Variants in USP11 observed in about 807,000 individuals in gnomAD.
USP11 encodes ubiquitin specific peptidase 11.
USP11 carries 5 observed loss-of-function variants against 72.8 expected under a neutral mutation model. That is an observed-to-expected ratio of 0.07 (90% CI 0.04 to 0.14). The LOEUF is 0.14. Among genes scored for constraint, USP11 ranks in the 10% least tolerant of loss-of-function variants. USP11 has a pLI of 1.00. For missense variants in USP11, 480 were observed against 794.7 expected (o/e 0.60, Z 4.76); for synonymous variants, 368 against 326.5 (o/e 1.13, Z -1.37).
At chrX:47,239,298 C>T (rs2055390257) in intron 2 of USP11, 53 bp from the exon 3 acceptor site, 9 of 1,192,777 alleles carry the variant, frequency 7.5e-6, no homozygotes, top group South Asian at 7.4e-5. Flanking sequence ...CAGAGTCATT[C>T]GTCAGTTTCC....
chrX:47,247,711 A>G lies in USP11; in HGVS notation c.2625+12A>G, dbSNP rs1418200620. On this transcript the variant is annotated intron_variant, in intron 20 of 20. Transcript: ENST00000377107. Reference sequence around the variant, plus strand: ...AGAATCAGATCGAGGTGTGACTTCCATCCTACCTCCTCCCCTTCTTCCTTT... The same window carrying G: ...AGAATCAGATCGAGGTGTGACTTCCGTCCTACCTCCTCCCCTTCTTCCTTT... 8.3e-7 allele frequency: 1 copy of G among 1,206,696 alleles called. No individual in the cohort carries two copies. The highest frequency in any genetic ancestry group is 2.2e-5 in the Admixed American group (1 of 45,521).
At chrX:47,237,538 G>A (rs1316569501) in intron 1 of USP11, among the ~76,000 whole-genome samples, 3 of 110,516 alleles carry the variant, frequency 2.7e-5, no homozygotes, top group Non-Finnish European at 3.8e-5. Context: ...GCTTGAACCC[G>A]GCAGGCAAAG....
At chrX:47,236,434 C>G (rs951066069) in intron 1 of USP11, among the ~76,000 whole-genome samples, 1 of 112,398 alleles carries the variant, frequency 8.9e-6, no homozygotes, top group African/African-American at 3.2e-5. Flanking sequence ...AATATTTGCA[C>G]CTTCTGTCTT....
rs1413145751 is a variant in USP11 at position 47,233,087 on chromosome X, T to C, written c.44T>C (p.Val15Ala). ...AATCCAGCTGCTGCTGCGGCGGCTG[T>C]GGCGGCGGCAGCGGCGGTGACTGAG... ...AANPAAAAAA[V>A]AAAAAVTEDR... Residue 15 changes from valine (V) to alanine (A), a missense_variant, in exon 1 of 21, where the codon GTG becomes GCG. Val to Ala is a moderately conservative substitution (Grantham distance 64). Around this residue, in one of 5 missense-constraint regions of USP11, gnomAD observed 71 missense variants for 71.4 expected, o/e 0.99. Coordinates refer to ENST00000377107, the MANE Select transcript of USP11 (RefSeq NM_001371072.1). The C allele has an allele frequency of 3.3e-6, 4 of 1,201,964 alleles. No homozygotes were observed. In the Admixed American group the frequency reaches 6.7e-5, roughly 20 times the overall value.
rs1306664968 is a variant in USP11, at chrX:47,245,434, G to A, written c.2222G>A (p.Cys741Tyr). 8.3e-7 allele frequency: 1 copy of A among 1,209,927 alleles called. No individual in the cohort carries two copies. Among genetic ancestry groups the A allele is most frequent in the Non-Finnish European group, 1.1e-6 (1 of 894,946 alleles). ...MKKAPVRLQE[C>Y]IELFTTVETL... ...AAGGCTCCCGTGCGGCTGCAGGAGT[G>A]CATTGAGCTCTTCACCACTGTGGAG... The change falls in exon 17 of 21, where the codon TGC (cysteine) becomes TAC (tyrosine). Residue 741 changes from cysteine to tyrosine, a missense_variant. Around this residue, in one of 5 missense-constraint regions of USP11, gnomAD observed 314 missense variants for 556.0 expected, o/e 0.56. Coordinates refer to ENST00000377107, the MANE Select transcript of USP11 (RefSeq NM_001371072.1).
At position 47,245,393 on chromosome X, in the gene USP11, C is replaced by T. The variant is rs181176233; in HGVS notation, c.2181C>T (p.Val727=). 384 of 1,209,509 alleles carry T rather than the reference C, an allele frequency of 3.2e-4. No homozygotes were observed. Among genetic ancestry groups the T allele is most frequent in the Non-Finnish European group, 3.9e-4 (349 of 894,718 alleles). The change falls in exon 17 of 21, where the codon GTC becomes GTT. Residue 727 remains valine, a synonymous_variant. Transcript: ENST00000377107. ...EAEGYVKHDC[V]GYVMKKAPVR... Reference sequence around the variant, plus strand: ...AGGGCTACGTGAAGCATGACTGCGTCGGGTACGTGATGAAGAAGGCTCCCG... The same window carrying T: ...AGGGCTACGTGAAGCATGACTGCGTTGGGTACGTGATGAAGAAGGCTCCCG...
At chrX:47,236,950 G>T (rs181234008) in intron 1 of USP11, among the ~76,000 whole-genome samples, 1 of 111,701 alleles carries the variant, frequency 9.0e-6, no homozygotes, top group Non-Finnish European at 1.9e-5. Flanking sequence ...TGTTAACAAT[G>T]ATTTTTTTAA....
intron 18 of USP11, 35 bp downstream of exon 18, chrX:47,247,256 C>A (rs755027562): frequency 4.1e-6 from 5 of 1,211,039 alleles, no homozygotes; most frequent in Non-Finnish European, 5.6e-6. Flanking sequence ...TGGGGGAAGG[C>A]AGGGAAAGGA....
At chrX:47,242,334 T>A (rs763761263) in intron 10 of USP11, 28 bp downstream of exon 10, 16 of 1,205,828 alleles carry the variant, frequency 1.3e-5, no homozygotes, top group Non-Finnish European at 1.8e-5. Flanking sequence ...CCTGGGGAGA[T>A]GATGATGGAC....
intron 20 of USP11, 25 bp from the exon 21 acceptor site, chrX:47,247,768 A>C (rs1163783620): frequency 1.7e-6 from 2 of 1,203,536 alleles, no homozygotes; most frequent in Non-Finnish European, 2.2e-6. Context: ...CACAATCCAC[A>C]CTGACTCCTG....
At chrX:47,239,319 C>T in intron 2 of USP11, 32 bp from the exon 3 acceptor site, 1 of 1,204,127 alleles carries the variant, frequency 8.3e-7, no homozygotes, top group Non-Finnish European at 1.1e-6. Context: ...TTTGTTGATT[C>T]TTCCTCTGCC....
chrX:47,238,605 A>G (rs2055387127), intron 1 of USP11, among the ~76,000 whole-genome samples: 2 of 108,038 alleles, frequency 1.9e-5, no homozygotes, highest in Admixed American at 1.0e-4. Context: ...CATTTATCAA[A>G]TCTAGTTCTT....
At chrX:47,247,527 G>T in intron 19 of USP11, 84 bp from the exon 20 acceptor site, 1 of 1,155,375 alleles carries the variant, frequency 8.7e-7, no homozygotes, top group Non-Finnish European at 1.2e-6. Flanking sequence ...TGAGGTTATC[G>T]TGGTGGGAGG....
intron 18 of USP11, 33 bp from the exon 19 acceptor site, chrX:47,247,271 G>T (rs1569237655): frequency 3.3e-6 from 4 of 1,211,411 alleles, no homozygotes; most frequent in Admixed American, 2.2e-5. Flanking sequence ...AAAGGAGGGG[G>T]TGTACCAGTA....
rs373698431 is a variant in USP11, at chrX:47,244,797, C to T, written c.1959C>T (p.Phe653=). ...CTGGAGTCACGAACAGGTGCCCGTTCCTCCTGGACAATTGCCTTGGCACAT... is the reference window on the plus strand; with the variant it reads ...CTGGAGTCACGAACAGGTGCCCGTTTCTCCTGGACAATTGCCTTGGCACAT... ...PSSGVTNRCP[F]LLDNCLGTSQ... The change falls in exon 15 of 21, where the codon TTC becomes TTT. Residue 653 remains phenylalanine, a synonymous_variant. Coordinates refer to ENST00000377107, the MANE Select transcript of USP11 (RefSeq NM_001371072.1). The T allele has an allele frequency of 1.7e-6, 2 of 1,210,955 alleles. No individual in the cohort carries two copies. The highest frequency in any genetic ancestry group is 2.2e-6 in the Non-Finnish European group (2 of 895,323).
At chrX:47,238,693 G>A (rs1343872177) in intron 1 of USP11, among the ~76,000 whole-genome samples, 1 of 110,465 alleles carries the variant, frequency 9.1e-6, no homozygotes, top group Non-Finnish European at 1.9e-5. Flanking sequence ...TATAAAATTA[G>A]CTGCAGATGG....
rs1274093842 is a variant in USP11, at chrX:47,239,184, A to G, written c.286+5A>G. 1.7e-6 allele frequency: 2 copies of G among 1,201,019 alleles called. No homozygotes were observed. The highest frequency in any genetic ancestry group is 6.0e-5 in the East Asian group (2 of 33,590). On this transcript the variant is annotated splice_donor_5th_base_variant and intron_variant, in intron 2 of 20. Coordinates refer to ENST00000377107, the MANE Select transcript of USP11 (RefSeq NM_001371072.1). ...ACAATGCCACACTCTTTCAAGGTAC[A>G]AGGCCTTTGCCTCCTTCTCACCCTA... is the stretch of plus-strand genomic sequence containing the variant.
rs200018441 is a variant in USP11 at position 47,241,612 on chromosome X, C to T, written c.1092C>T (p.Phe364=). Residue 364 remains phenylalanine (F), a synonymous_variant, in exon 9 of 21, where the codon TTC becomes TTT. Coordinates refer to ENST00000377107, the MANE Select transcript of USP11 (RefSeq NM_001371072.1). The part of the protein sequence containing the change: ...QQHDSQELLS[F]LLDGLHEDLN... ...ATGACTCTCAGGAGCTGCTGTCATT[C>T]CTCCTGGACGGGCTGCATGAGGACC... 1.1e-4 allele frequency: 139 copies of T among 1,209,128 alleles called. No homozygotes were observed. Among genetic ancestry groups the T allele is most frequent in the Admixed American group, 1.3e-4 (6 of 45,606 alleles).
chrX:47,242,424 C>T lies in USP11; in HGVS notation c.1405-15C>T, dbSNP rs777889907. The T allele has an allele frequency of 8.3e-7, 1 of 1,210,005 alleles. No homozygotes were observed. The highest frequency in any genetic ancestry group is 1.7e-5 in the African/African-American group (1 of 57,263). On this transcript the variant is annotated splice_polypyrimidine_tract_variant and intron_variant, in intron 10 of 20. Transcript: ENST00000377107. ...AAGCCCTTTTGGTCTTTTGTGGATA[C>T]CGTTTTTCCCTTAGCACCGGCTCGT... is the stretch of plus-strand genomic sequence containing the variant.
Sources: gnomAD v4.1 joint callset for allele counts (sites outside exome capture counted in the v4.1 genomes callset) on GRCh38, gnomAD v4.1.1 for gene constraint, gnomAD v4.1.1 regional missense constraint, MANE v1.5 for transcripts, NCBI Gene and HGNC (gene_info 2026-07-23, HGNC 2026-07-21) for gene names.